CSMD1: variants seen among roughly 807,000 people sequenced by gnomAD.
CSMD1 encodes CUB and Sushi multiple domains 1, also known as CUB and sushi domain-containing protein 1.
A neutral mutation model predicts 417.5 loss-of-function variants in CSMD1; 213 were observed. The observed-to-expected ratio is 0.51, with a 90% CI of 0.46 to 0.57. CSMD1 has a LOEUF of 0.57. Ranked by LOEUF, CSMD1 falls within the 20% of genes least tolerant of loss-of-function variation. The pLI is 0.00. For missense variants in CSMD1, 6,923 were observed against 4,529.7 expected (o/e 1.53, Z -15.17); for synonymous variants, 2,862 against 1,736.8 (o/e 1.65, Z -16.11).
intron 54 of CSMD1, among the ~76,000 whole-genome samples, chr8:2,981,462 G>C (rs1034349951): frequency 6.6e-6 from 1 of 152,304 alleles, no homozygotes; most frequent in East Asian, 1.9e-4. Context: ...TAAGTATAGG[G>C]TAATGCGTCA....
At chr8:4,010,195 G>A (rs1412023217) in intron 4 of CSMD1, among the ~76,000 whole-genome samples, 1 of 152,106 alleles carries the variant, frequency 6.6e-6, no homozygotes, top group Non-Finnish European at 1.5e-5. Flanking sequence ...CACTGGTCCT[G>A]CTGGCAGACT....
At chr8:4,731,239 C>A (rs953510243) in intron 1 of CSMD1, among the ~76,000 whole-genome samples, 38 of 152,306 alleles carry the variant, frequency 2.5e-4, no homozygotes, top group Non-Finnish European at 5.1e-4. Context: ...AGCCTCCACA[C>A]AAGATGCCCA....
intron 22 of CSMD1, among the ~76,000 whole-genome samples, chr8:3,345,826 T>C (rs1351354755): frequency 6.6e-6 from 1 of 152,162 alleles, no homozygotes; most frequent in African/African-American, 2.4e-5. Flanking sequence ...TGGGGAAATC[T>C]TTCCCAGTTT....
intron 5 of CSMD1, among the ~76,000 whole-genome samples, chr8:3,983,112 T>G (rs539071763): frequency 2.7e-3 from 409 of 149,396 alleles, no homozygotes; most frequent in African/African-American, 9.5e-3. Flanking sequence ...GACATCGTTA[T>G]GCATCCTCCC....
At chr8:4,417,034 C>T (rs1323803405) in intron 3 of CSMD1, among the ~76,000 whole-genome samples, 1 of 151,962 alleles carries the variant, frequency 6.6e-6, no homozygotes, top group Non-Finnish European at 1.5e-5. Flanking sequence ...ATAGAACTAG[C>T]AAGTAAAATC....
intron 10 of CSMD1, among the ~76,000 whole-genome samples, chr8:3,508,286 C>T (rs1212573779): frequency 1.3e-5 from 2 of 151,214 alleles, no homozygotes; most frequent in Non-Finnish European, 2.9e-5. Flanking sequence ...GGCTCACCTG[C>T]GCCCCCTCCC....
At chr8:3,295,177 T>G (rs1803874869) in intron 25 of CSMD1, among the ~76,000 whole-genome samples, 1 of 152,054 alleles carries the variant, frequency 6.6e-6, no homozygotes, top group Admixed American at 6.6e-5. Context: ...CAGGTTGGAG[T>G]GCAGTGGTGT....
intron 3 of CSMD1, among the ~76,000 whole-genome samples, chr8:4,300,055 C>T (rs189615553): frequency 1.3e-5 from 2 of 152,212 alleles, no homozygotes; most frequent in African/African-American, 4.8e-5. Flanking sequence ...GGAAGAACTT[C>T]TCATACATGT....
intron 12 of CSMD1, among the ~76,000 whole-genome samples, chr8:3,418,319 A>G (rs1813286251): frequency 6.6e-6 from 1 of 152,134 alleles, no homozygotes; most frequent in African/African-American, 2.4e-5. Flanking sequence ...CATGGAGACC[A>G]TGAGAGTATA....
intron 26 of CSMD1, among the ~76,000 whole-genome samples, chr8:3,280,187 G>C (rs1263913786): frequency 6.7e-6 from 1 of 150,212 alleles, no homozygotes; most frequent in Non-Finnish European, 1.5e-5. Context: ...TTTGCCTCGA[G>C]AGCCACAGAG....
intron 2 of CSMD1, among the ~76,000 whole-genome samples, chr8:4,502,011 T>G (rs1341713531): frequency 6.6e-6 from 1 of 152,148 alleles, no homozygotes; most frequent in East Asian, 1.9e-4. Context: ...ACTCAGGCTC[T>G]AACCTTTGCA....
In CSMD1 at chr8:2,971,505, C is replaced by A. The variant is rs183846449; in HGVS notation, c.8923+1612G>T. On this transcript the variant is annotated intron_variant, in intron 57 of 69. Transcript: ENST00000635120. ...CGATTCAGGTTACGCATTTCACTGG[C>A]AATACCATAGAAATGACAATGTCTC... Among the ~76,000 whole-genome samples the A allele has an allele frequency of 7.9e-4, 121 of 152,264 alleles. 3 individuals carry two copies. The highest frequency in any genetic ancestry group is 6.6e-4 in the Non-Finnish European group (45 of 68,020).
At chr8:4,286,665 A>G (rs1361312664) in intron 3 of CSMD1, among the ~76,000 whole-genome samples, 4 of 152,194 alleles carry the variant, frequency 2.6e-5, no homozygotes, top group African/African-American at 4.8e-5. Context: ...GATAGCAATC[A>G]TACTGATTTT....
At chr8:3,392,506 G>T (rs1445485346) in intron 17 of CSMD1, among the ~76,000 whole-genome samples, 2 of 151,950 alleles carry the variant, frequency 1.3e-5, no homozygotes, top group African/African-American at 4.8e-5. Context: ...TTTTCTCGCT[G>T]GACTCATTGG....
chr8:3,930,325 T>C (rs1284907021), intron 5 of CSMD1, among the ~76,000 whole-genome samples: 2 of 150,598 alleles, frequency 1.3e-5, no homozygotes, highest in Admixed American at 1.3e-4. Flanking sequence ...CTAACACTCT[T>C]AAATATCTGC....
chr8:4,485,413 ACT>A (rs949030809), intron 2 of CSMD1, among the ~76,000 whole-genome samples: 1 of 152,108 alleles, frequency 6.6e-6, no homozygotes, highest in Admixed American at 6.6e-5. Flanking sequence ...TGATAAACTG[ACT>A]CTCACAGAGA....
chr8:3,886,141 C>G (rs973169882), intron 5 of CSMD1, among the ~76,000 whole-genome samples: 1 of 152,120 alleles, frequency 6.6e-6, no homozygotes. Context: ...ACCTCTGTCT[C>G]TCTGTTTCAA....
intron 5 of CSMD1, among the ~76,000 whole-genome samples, chr8:3,972,593 G>A (rs1031180958): frequency 3.3e-5 from 5 of 152,092 alleles, no homozygotes; most frequent in Non-Finnish European, 7.4e-5. Flanking sequence ...TTATAAAACG[G>A]CCTTTATTTT....
At chr8:4,290,093 G>A (rs545407627) in intron 3 of CSMD1, among the ~76,000 whole-genome samples, 38 of 152,304 alleles carry the variant, frequency 2.5e-4, no homozygotes, top group Non-Finnish European at 4.3e-4. Context: ...GTGGCATACA[G>A]ATGTGCAACA....
Sources: allele counts gnomAD v4.1 joint callset (sites outside exome capture counted in the v4.1 genomes callset), GRCh38; gene constraint gnomAD v4.1.1; transcripts MANE v1.5; gene names NCBI Gene and HGNC (gene_info 2026-07-23, HGNC 2026-07-21).